CNTNAP2: variants seen among roughly 807,000 people sequenced by gnomAD.
The protein encoded by CNTNAP2 is contactin-associated protein-like 2.
CNTNAP2 carries 98 observed loss-of-function variants against 155.2 expected under a neutral mutation model. The observed-to-expected ratio is 0.63, with a 90% confidence interval of 0.54 to 0.75. The LOEUF (loss-of-function observed/expected upper bound fraction) is 0.75, where lower values mean the gene tolerates loss of function less well. Among genes scored for constraint, CNTNAP2 ranks in the 30% least tolerant of loss-of-function variants. The pLI is 0.00. For synonymous variants in CNTNAP2, 651 were observed against 631.2 expected, an observed-to-expected ratio of 1.03 and a Z score of -0.47; for missense variants, 1,727 against 1,688.1, an observed-to-expected ratio of 1.02 and a Z score of -0.40.
chr7:147,097,747 G>C (rs1419090840), intron 4 of CNTNAP2: 1 of 152,186 alleles, frequency 6.6e-6, no homozygotes, highest in African/African-American at 2.4e-5. Context: ...AGAAATTTTG[G>C]ATAGCTAAAG....
rs193008728 is a variant in CNTNAP2, at chr7:146,240,385, A to G, written c.97+123412A>G. Among the ~76,000 whole-genome samples the G allele has an allele frequency of 8.5e-4, 129 of 152,276 alleles. 1 individual carries two copies. The highest frequency in any genetic ancestry group is 1.5e-3 in the Non-Finnish European group (99 of 67,986). Reference sequence around the variant, plus strand: ...AATAAATAAATGCTAGGTCTAATATAGAAAAATTAATACCTTGAAATAAAG... The same window carrying G: ...AATAAATAAATGCTAGGTCTAATATGGAAAAATTAATACCTTGAAATAAAG... On this transcript the variant is annotated intron_variant, in intron 1 of 23. Coordinates refer to ENST00000361727, the MANE Select transcript of CNTNAP2 (RefSeq NM_014141.6).
At chr7:146,540,771 A>T (rs1027906324) in intron 1 of CNTNAP2, among the ~76,000 whole-genome samples, 2 of 152,058 alleles carry the variant, frequency 1.3e-5, no homozygotes, top group Non-Finnish European at 2.9e-5. Flanking sequence ...GAACTTGCAT[A>T]CTTCTGTTTC....
chr7:147,122,660 A>T (rs749255566), intron 6 of CNTNAP2: 5 of 152,220 alleles, frequency 3.3e-5, no homozygotes, highest in African/African-American at 1.2e-4. Context: ...GCACATCATT[A>T]AAAGGAATGA....
intron 1 of CNTNAP2, among the ~76,000 whole-genome samples, chr7:146,500,220 T>C (rs1392658591): frequency 2.6e-5 from 4 of 152,160 alleles, no homozygotes; most frequent in Non-Finnish European, 5.9e-5. Flanking sequence ...TGAGAATAGG[T>C]GTTACCAACA....
At chr7:147,465,909 G>A (rs1798111882) in intron 10 of CNTNAP2, among the ~76,000 whole-genome samples, 1 of 143,678 alleles carries the variant, frequency 7.0e-6, no homozygotes, top group Admixed American at 7.2e-5. Flanking sequence ...TTCAATGGAC[G>A]TTTTAAATAA....
chr7:146,846,817 A>G (rs1396732425), intron 3 of CNTNAP2, among the ~76,000 whole-genome samples: 2 of 152,294 alleles, frequency 1.3e-5, no homozygotes, highest in East Asian at 1.9e-4. Context: ...TTATAATCTC[A>G]TAAGATTTCT....
At chr7:147,084,001 A>G (rs938935587) in intron 4 of CNTNAP2, among the ~76,000 whole-genome samples, 1 of 131,234 alleles carries the variant, frequency 7.6e-6, no homozygotes, top group Non-Finnish European at 1.5e-5. Context: ...TATAATACAT[A>G]TATACATAAT....
At chr7:146,202,019 T>C (rs1307795838) in intron 1 of CNTNAP2, among the ~76,000 whole-genome samples, 2 of 152,160 alleles carry the variant, frequency 1.3e-5, no homozygotes, top group East Asian at 3.8e-4. Context: ...GCCTTAGGGA[T>C]GACAATCCTG....
intron 22 of CNTNAP2, among the ~76,000 whole-genome samples, chr7:148,401,594 T>TTTTTCTA (rs1351635581): frequency 7.2e-6 from 1 of 139,346 alleles, no homozygotes; most frequent in Non-Finnish European, 1.7e-5. Context: ...ATGAGCTATT[T>TTTTTCTA]TTTTCTTTTT....
intron 1 of CNTNAP2, among the ~76,000 whole-genome samples, chr7:146,136,602 G>A (rs1046914472): frequency 6.6e-6 from 1 of 152,070 alleles, no homozygotes; most frequent in African/African-American, 2.4e-5. Flanking sequence ...CTCTCTCGAG[G>A]TTGGATTCTA....
Position 146,166,934 on chromosome 7 carries a change from G to A in CNTNAP2, c.97+49961G>A, listed in dbSNP as rs953028636. Reference sequence around the variant, plus strand: ...TGGTAAGAAATTAAAAAAGAAGTCCGAAACCACATGTGAGTAACGTGAAAG... The same window carrying A: ...TGGTAAGAAATTAAAAAAGAAGTCCAAAACCACATGTGAGTAACGTGAAAG... On this transcript the variant is annotated intron_variant, in intron 1 of 23. Transcript: ENST00000361727. Among the ~76,000 whole-genome samples the A allele has an allele frequency of 3.3e-5, 5 of 152,256 alleles. No homozygotes were observed. In the East Asian group the frequency reaches 7.7e-4, roughly 24 times the overall value.
At chr7:147,827,474 C>A (rs10246029) in intron 13 of CNTNAP2, among the ~76,000 whole-genome samples, 1 of 151,890 alleles carries the variant, frequency 6.6e-6, no homozygotes, top group Non-Finnish European at 1.5e-5. Context: ...GTTGAGTAAA[C>A]GAATATTTTG....
chr7:147,201,582 G>A (rs1351111524), intron 8 of CNTNAP2, among the ~76,000 whole-genome samples: 3 of 152,084 alleles, frequency 2.0e-5, no homozygotes, highest in East Asian at 1.9e-4. Flanking sequence ...CTTCCCTAAT[G>A]CACAGACATA....
chr7:146,764,920 A>G (rs931261024), intron 1 of CNTNAP2, among the ~76,000 whole-genome samples: 1 of 152,158 alleles, frequency 6.6e-6, no homozygotes, highest in Non-Finnish European at 1.5e-5. Flanking sequence ...ATATTTTTCA[A>G]AATATATGAA....
At chr7:147,972,142 G>A (rs1213972900) in intron 14 of CNTNAP2, among the ~76,000 whole-genome samples, 1 of 152,124 alleles carries the variant, frequency 6.6e-6, no homozygotes, top group Non-Finnish European at 1.5e-5. Context: ...TGTTGTATTT[G>A]TACTTATATC....
At chr7:147,424,700 C>T (rs1797350704) in intron 10 of CNTNAP2, among the ~76,000 whole-genome samples, 1 of 152,142 alleles carries the variant, frequency 6.6e-6, no homozygotes, top group African/African-American at 2.4e-5. Flanking sequence ...TGCCTGCTCC[C>T]AGTCAGCACA....
At chr7:148,086,039 A>T (rs1268652299) in intron 15 of CNTNAP2, among the ~76,000 whole-genome samples, 1 of 152,162 alleles carries the variant, frequency 6.6e-6, no homozygotes, top group Non-Finnish European at 1.5e-5. Flanking sequence ...TAAATTATTA[A>T]ATGTCTTATT....
intron 18 of CNTNAP2, among the ~76,000 whole-genome samples, chr7:148,177,979 T>C (rs1295614186): frequency 6.6e-6 from 1 of 152,056 alleles, no homozygotes. Flanking sequence ...ACACCTAATG[T>C]GCCCAGAAGT....
At chr7:146,924,674 G>A (rs772659639) in intron 3 of CNTNAP2, among the ~76,000 whole-genome samples, 1 of 152,042 alleles carries the variant, frequency 6.6e-6, no homozygotes, top group Non-Finnish European at 1.5e-5. Flanking sequence ...AGAGTAGGAA[G>A]TCAGATGATC....
Sources: gnomAD v4.1 joint callset for allele counts (sites outside exome capture counted in the v4.1 genomes callset) on GRCh38, gnomAD v4.1.1 for gene constraint, MANE v1.5 for transcripts, NCBI Gene and HGNC (gene_info 2026-07-23, HGNC 2026-07-21) for gene names.